Variants in ZMYM2 observed in about 807,000 individuals in gnomAD.
ZMYM2 encodes zinc finger MYM-type protein 2.
In ZMYM2, 56 loss-of-function variants were observed where a neutral mutation model predicts 162.8. That is an observed-to-expected ratio of 0.34 (90% CI 0.28 to 0.43). The LOEUF (loss-of-function observed/expected upper bound fraction) is 0.43. Among genes scored for constraint, ZMYM2 ranks in the 20% least tolerant of loss-of-function variants. The probability of loss-of-function intolerance (pLI) is 1.00; values close to 1 mark genes in which losing one functional copy is unlikely to be tolerated. For missense variants in ZMYM2, 1,275 were observed against 1,621.8 expected (o/e 0.79, Z 3.67); for synonymous variants, 510 against 541.6 (o/e 0.94, Z 0.81).
chr13:20,008,076 A>G (rs930323032), intron 6 of ZMYM2, among the ~76,000 whole-genome samples: 7 of 152,218 alleles, frequency 4.6e-5, no homozygotes, highest in African/African-American at 1.7e-4. Context: ...AGGTGAGTAG[A>G]CTACAATTAA....
At chr13:20,030,014 C>T (rs962354889) in intron 9 of ZMYM2, among the ~76,000 whole-genome samples, 6 of 151,760 alleles carry the variant, frequency 4.0e-5, no homozygotes, top group South Asian at 4.2e-4. Flanking sequence ...AGGCTGGTCT[C>T]GAACTCCTGA....
At chr13:20,027,420 C>T in intron 9 of ZMYM2, 102 bp downstream of exon 9, 2 of 884,566 alleles carry the variant, frequency 2.3e-6, no homozygotes, top group Non-Finnish European at 3.2e-6. Flanking sequence ...TTTTACGTAG[C>T]TTGTTGAGGG....
At chr13:19,887,491 T>C in the ZMYM2 span, among the ~76,000 whole-genome samples, 2 of 151,076 alleles carry the variant, frequency 1.3e-5, no homozygotes, top group Admixed American at 6.6e-5. Context: ...ATAGTGCCAC[T>C]GCACTCCAGC....
At chr13:20,011,614 CTG>C (rs1951195517) in intron 6 of ZMYM2, among the ~76,000 whole-genome samples, 2 of 142,164 alleles carry the variant, frequency 1.4e-5, no homozygotes, top group Admixed American at 1.4e-4. Flanking sequence ...GAGTCTTGCT[CTG>C]TCACCCAGGC....
At chr13:20,002,796 A>G (rs929418473) in intron 3 of ZMYM2, 54 bp from the exon 4 acceptor site, 4 of 1,557,678 alleles carry the variant, frequency 2.6e-6, no homozygotes, top group South Asian at 1.2e-5. Context: ...AAATTTTAAT[A>G]TGTATAAACA....
At chr13:20,067,822 A>G (rs1778625107) in intron 21 of ZMYM2, among the ~76,000 whole-genome samples, 1 of 152,228 alleles carries the variant, frequency 6.6e-6, no homozygotes, top group Non-Finnish European at 1.5e-5. Context: ...TGTTTTCTAC[A>G]GTAAACATGG....
chr13:19,951,617 G>A, the ZMYM2 span, among the ~76,000 whole-genome samples: 2 of 151,554 alleles, frequency 1.3e-5, no homozygotes, highest in Admixed American at 6.6e-5. Context: ...CAGGAGGATC[G>A]CTTGAACCTG....
intron 14 of ZMYM2, among the ~76,000 whole-genome samples, chr13:20,057,668 A>AT (rs1179045583): frequency 6.6e-6 from 1 of 152,204 alleles, no homozygotes. Context: ...TTACACAAAT[A>AT]TTCTCTAATG....
chr13:19,865,555 C>T, the ZMYM2 span, among the ~76,000 whole-genome samples: 8 of 152,234 alleles, frequency 5.3e-5, 1 homozygote, highest in African/African-American at 1.9e-4. Flanking sequence ...CACTGACTAC[C>T]CTGAGTTCGT....
At chr13:20,036,638 C>T (rs1014922836) in intron 11 of ZMYM2, 99 bp from the exon 12 acceptor site, 2 of 973,418 alleles carry the variant, frequency 2.1e-6, no homozygotes, top group East Asian at 6.0e-5. Context: ...TAGTTTTGAT[C>T]AGGAGAGGAA....
intron 2 of ZMYM2, among the ~76,000 whole-genome samples, chr13:19,964,001 G>GGTAT (rs1314174635): frequency 1.3e-5 from 2 of 152,018 alleles, no homozygotes; most frequent in African/African-American, 4.8e-5. Context: ...TTGAAAGAAG[G>GGTAT]GTATAGCTGT....
At chr13:20,064,121 A>G (rs180976537) in intron 18 of ZMYM2, among the ~76,000 whole-genome samples, 154 of 151,820 alleles carry the variant, frequency 1.0e-3, no homozygotes, top group African/African-American at 3.3e-3. Flanking sequence ...AGTTTTTGGA[A>G]AAAACATTTA....
chr13:19,902,613 T>C, the ZMYM2 span, among the ~76,000 whole-genome samples: 3 of 152,078 alleles, frequency 2.0e-5, no homozygotes, highest in African/African-American at 7.2e-5. Context: ...GAAAACTCTG[T>C]CTCAAAAAAA....
chr13:20,037,346 G>A (rs2140376202), intron 12 of ZMYM2, among the ~76,000 whole-genome samples: 1 of 150,328 alleles, frequency 6.7e-6, no homozygotes, highest in South Asian at 2.1e-4. Flanking sequence ...CTCCCAAGTA[G>A]CTGGGATTAC....
chr13:20,012,441 A>G (rs1566293635), intron 6 of ZMYM2, among the ~76,000 whole-genome samples: 1 of 152,204 alleles, frequency 6.6e-6, no homozygotes, highest in South Asian at 2.1e-4. Context: ...CAGCCTCTCA[A>G]AGTGCTGGGA....
At chr13:19,904,370 A>G in the ZMYM2 span, among the ~76,000 whole-genome samples, 3 of 151,934 alleles carry the variant, frequency 2.0e-5, no homozygotes, top group Non-Finnish European at 4.4e-5. Flanking sequence ...CAGCCTGGCT[A>G]ACATGGTGAA....
intron 19 of ZMYM2, 27 bp from the exon 20 acceptor site, chr13:20,066,824 T>C (rs982517978): frequency 4.6e-6 from 7 of 1,514,676 alleles, no homozygotes; most frequent in Non-Finnish European, 6.2e-6. Flanking sequence ...TTAAAAAAGA[T>C]ATTATTATGG....
chr13:19,978,505 C>G (rs909762871), intron 2 of ZMYM2, among the ~76,000 whole-genome samples: 1 of 152,120 alleles, frequency 6.6e-6, no homozygotes, highest in Non-Finnish European at 1.5e-5. Flanking sequence ...CAACGTCCGC[C>G]TCCTGGGTTC....
chr13:20,066,276 G>T (rs1171248994), intron 19 of ZMYM2, among the ~76,000 whole-genome samples: 1 of 152,126 alleles, frequency 6.6e-6, no homozygotes, highest in African/African-American at 2.4e-5. Context: ...GTTGGGCTCT[G>T]ATCCCCCCTG....
Sources: allele counts gnomAD v4.1 joint callset (sites outside exome capture counted in the v4.1 genomes callset), GRCh38; gene constraint gnomAD v4.1.1; transcripts MANE v1.5; gene names NCBI Gene and HGNC (gene_info 2026-07-23, HGNC 2026-07-21).